Variants in ARHGAP26 observed in about 807,000 individuals in gnomAD.
ARHGAP26 encodes the protein rho GTPase-activating protein 26.
In ARHGAP26, 38 loss-of-function variants were observed where a neutral mutation model predicts 104.8. That is an observed-to-expected ratio of 0.36 (90% CI 0.28 to 0.48). The LOEUF is 0.48. Among genes scored for constraint, ARHGAP26 ranks in the 20% least tolerant of loss-of-function variants. ARHGAP26 has a pLI of 0.99. For missense variants in ARHGAP26, 704 were observed against 947.9 expected (o/e 0.74, Z 3.38); for synonymous variants, 341 against 340.0 (o/e 1.00, Z -0.03).
At chr5:142,902,086 C>A (rs748991749) in intron 7 of ARHGAP26, 47 bp downstream of exon 7, 1 of 1,525,876 alleles carries the variant, frequency 6.6e-7, no homozygotes, top group Non-Finnish European at 9.0e-7. Context: ...TAAGGAAAAA[C>A]AAAATATGGG....
chr5:142,956,636 G>C (rs1359043437), intron 11 of ARHGAP26, among the ~76,000 whole-genome samples: 1 of 152,144 alleles, frequency 6.6e-6, no homozygotes, highest in Non-Finnish European at 1.5e-5. Context: ...CAAGACATCT[G>C]TGACTTTATG....
intron 1 of ARHGAP26, chr5:142,868,988 G>A (rs764662475): frequency 2.0e-5 from 3 of 153,748 alleles, no homozygotes; most frequent in Admixed American, 6.5e-5. Context: ...GTGACATGAA[G>A]CCATTCATGA....
At chr5:142,812,404 T>G (rs1597729649) in intron 1 of ARHGAP26, among the ~76,000 whole-genome samples, 1 of 152,188 alleles carries the variant, frequency 6.6e-6, no homozygotes, top group East Asian at 1.9e-4. Context: ...TGGCGTAATC[T>G]TGGCTCAGTG....
At chr5:142,799,748 C>T (rs1302251488) in intron 1 of ARHGAP26, among the ~76,000 whole-genome samples, 2 of 152,208 alleles carry the variant, frequency 1.3e-5, no homozygotes, top group East Asian at 3.8e-4. Context: ...GCAAACCCAT[C>T]TGTTTATAAG....
chr5:143,082,717 A>G (rs1221868028), intron 17 of ARHGAP26, among the ~76,000 whole-genome samples: 5 of 152,244 alleles, frequency 3.3e-5, no homozygotes, highest in Non-Finnish European at 7.3e-5. Flanking sequence ...TCTGAAACCA[A>G]GAAGATGGGA....
At chr5:142,999,266 A>G (rs964182991) in intron 11 of ARHGAP26, among the ~76,000 whole-genome samples, 1 of 152,192 alleles carries the variant, frequency 6.6e-6, no homozygotes, top group Non-Finnish European at 1.5e-5. Flanking sequence ...ATGGCCATGT[A>G]GTTAGGTGAG....
intron 19 of ARHGAP26, among the ~76,000 whole-genome samples, chr5:143,136,672 G>C (rs528995298): frequency 5.5e-4 from 83 of 152,194 alleles, no homozygotes; most frequent in Non-Finnish European, 1.0e-3. Context: ...GGAGCTGGAA[G>C]GTTCTGCTGG....
intron 19 of ARHGAP26, among the ~76,000 whole-genome samples, chr5:143,136,000 T>C (rs183610794): frequency 6.6e-6 from 1 of 152,354 alleles, no homozygotes; most frequent in Admixed American, 6.5e-5. Flanking sequence ...TGGGGTAATG[T>C]GCTTCTCAGG....
chr5:142,980,983 T>G (rs1188071883), intron 11 of ARHGAP26, among the ~76,000 whole-genome samples: 1 of 152,202 alleles, frequency 6.6e-6, no homozygotes, highest in African/African-American at 2.4e-5. Context: ...TCACACTTGG[T>G]GTTTATTTTC....
At chr5:142,851,835 C>A (rs947722981) in intron 1 of ARHGAP26, among the ~76,000 whole-genome samples, 2 of 152,198 alleles carry the variant, frequency 1.3e-5, no homozygotes, top group Non-Finnish European at 2.9e-5. Context: ...GTCAGGTTGA[C>A]TTTATTTCTG....
chr5:143,166,875 G>A (rs1802030431), intron 20 of ARHGAP26, among the ~76,000 whole-genome samples: 1 of 152,194 alleles, frequency 6.6e-6, no homozygotes, highest in African/African-American at 2.4e-5. Flanking sequence ...CTGCCATCCA[G>A]TATTTTGGGA....
intron 11 of ARHGAP26, among the ~76,000 whole-genome samples, chr5:142,945,655 G>GT (rs1322985014): frequency 6.6e-6 from 1 of 151,842 alleles, no homozygotes; most frequent in Non-Finnish European, 1.5e-5. Context: ...CTCATTAAAA[G>GT]TTTTTTTTAA....
intron 1 of ARHGAP26, among the ~76,000 whole-genome samples, chr5:142,846,197 G>T (rs770563473): frequency 3.0e-4 from 46 of 152,178 alleles, no homozygotes; most frequent in Non-Finnish European, 5.7e-4. Flanking sequence ...CTGGCTTTGT[G>T]TATTACCTGT....
intron 11 of ARHGAP26, among the ~76,000 whole-genome samples, chr5:142,988,959 T>C (rs1775191148): frequency 6.6e-6 from 1 of 152,252 alleles, no homozygotes; most frequent in Admixed American, 6.5e-5. Flanking sequence ...GAGAAGAATG[T>C]ATATTCTGTT....
intron 1 of ARHGAP26, among the ~76,000 whole-genome samples, chr5:142,832,456 C>G (rs780091566): frequency 1.3e-5 from 2 of 149,796 alleles, no homozygotes; most frequent in Non-Finnish European, 3.0e-5. Flanking sequence ...AGGAGGAGAG[C>G]CTGCAGCAGG....
At chr5:143,076,711 T>A (rs1325019562) in intron 17 of ARHGAP26, among the ~76,000 whole-genome samples, 1 of 152,224 alleles carries the variant, frequency 6.6e-6, no homozygotes, top group East Asian at 1.9e-4. Context: ...TATAGACGTC[T>A]GGTATTTGTA....
At chr5:143,083,529 G>A (rs935471196) in intron 17 of ARHGAP26, among the ~76,000 whole-genome samples, 6 of 152,184 alleles carry the variant, frequency 3.9e-5, no homozygotes, top group South Asian at 2.1e-4. Flanking sequence ...ACAGAGTTTC[G>A]CTCTTTTTGC....
chr5:142,921,988 G>A lies in ARHGAP26; in HGVS notation c.1028+8695G>A, dbSNP rs562222375. On this transcript the variant is annotated intron_variant, in intron 10 of 22. Coordinates refer to ENST00000645722, the MANE Select transcript of ARHGAP26 (RefSeq NM_001135608.3). The stretch of plus-strand genomic sequence containing the variant: ...TGCTCCTTTTCCTGTAGTGTCATGA[G>A]TTTTCAAGTTATCTATAAGCTGAGA... 4 of 152,256 alleles carry A rather than the reference G, an allele frequency of 2.6e-5. No homozygotes were observed. The East Asian group carries it at 7.7e-4, about 29-fold the overall frequency. The allele number at this position is 152,256 out of a possible 1,614,324, so 9.4% of individuals were successfully genotyped here. A position where few individuals can be genotyped will look rare whatever the true frequency, so the allele number is the denominator to read the frequency against.
At chr5:143,099,417 G>T (rs1373622431) in intron 17 of ARHGAP26, among the ~76,000 whole-genome samples, 1 of 152,200 alleles carries the variant, frequency 6.6e-6, no homozygotes, top group Non-Finnish European at 1.5e-5. Context: ...TGGGGTGGAA[G>T]AAGTTGGAAC....
Sources: allele counts gnomAD v4.1 joint callset (sites outside exome capture counted in the v4.1 genomes callset), GRCh38; gene constraint gnomAD v4.1.1; transcripts MANE v1.5; gene names NCBI Gene and HGNC (gene_info 2026-07-23, HGNC 2026-07-21).